The following PRSS56 variants were observed in gnomAD, a reference collection of about 807,000 sequenced individuals.
PRSS56 encodes serine protease 56, also known as protease, serine 56.
PRSS56 carries 55 observed loss-of-function variants against 66.8 expected under a neutral mutation model. The observed-to-expected ratio is 0.82, with a 90% CI of 0.66 to 1.03. PRSS56 has a LOEUF of 1.03. PRSS56 is among the 50% of genes least tolerant of loss of function. The pLI, the probability that PRSS56 is intolerant of heterozygous loss-of-function variation, is 0.00. For missense variants in PRSS56, 869 were observed against 837.2 expected (o/e 1.04, Z -0.47); for synonymous variants, 409 against 387.9 (o/e 1.05, Z -0.64).
At chr2:232,525,082 C>T in intron 12 of PRSS56, 134 bp from the exon 13 acceptor site, 4 of 949,814 alleles carry the variant, frequency 4.2e-6, no homozygotes, top group Non-Finnish European at 6.1e-6. Context: ...GGAGTGTCCA[C>T]ATGAGCGGGA....
chr2:232,524,225 A>T, intron 10 of PRSS56, 22 bp downstream of exon 10: 2 of 1,534,176 alleles, frequency 1.3e-6, no homozygotes, highest in Non-Finnish European at 1.7e-6. Context: ...CCTCCAGCCC[A>T]GCCCAGCCCT....
chr2:232,525,444 G>A lies in PRSS56; in HGVS notation c.1750G>A (p.Gly584Arg), dbSNP rs531747558. The change falls in exon 13 of 13, where the codon GGG (glycine) becomes AGG (arginine). Residue 584 changes from glycine (G) to arginine (R), a missense_variant. This residue lies in a region of PRSS56 where 551 missense variants were observed against 506.9 expected (regional missense o/e 1.09). Coordinates refer to ENST00000617714, the MANE Select transcript of PRSS56 (RefSeq NM_001195129.2). The part of the protein sequence containing the change: ...GPWMDVGQGP[G>R]LERKGHHPLN... ...CTGGATGGATGTAGGGCAGGGGCCC[G>A]GGCTGGAGAGGAAGGGGCACCACCC... The A allele has an allele frequency of 1.4e-5, 22 of 1,528,940 alleles. No individual in the cohort carries two copies. Among genetic ancestry groups the A allele is most frequent in the African/African-American group, 2.7e-5 (2 of 72,960 alleles). 94.7% of individuals were successfully genotyped at this position (1,528,940 alleles called of 1,614,324 possible).
intron 1 of PRSS56, among the ~76,000 whole-genome samples, chr2:232,521,075 A>G (rs1691265802): frequency 6.6e-6 from 1 of 152,200 alleles, no homozygotes; most frequent in African/African-American, 2.4e-5. Flanking sequence ...TTTAAAAAAA[A>G]TTGTTAAGGA....
chr2:232,521,768 G>C, intron 2 of PRSS56, 48 bp from the exon 3 acceptor site: 1 of 1,524,532 alleles, frequency 6.6e-7, no homozygotes, highest in South Asian at 1.2e-5. Context: ...CTGGGGTGAG[G>C]ACAGGCGAGA....
chr2:232,521,541 G>C, intron 2 of PRSS56, 113 bp downstream of exon 2: 2 of 926,032 alleles, frequency 2.2e-6, no homozygotes. Flanking sequence ...CAGAGACTGT[G>C]TTGGGCCGCA....
Position 232,525,271 on chromosome 2 carries a change from G to A in PRSS56, c.1577G>A (p.Arg526Gln), listed in dbSNP as rs1160056048. ...ACCGGGCTTTTCAGAGCCTGGGTGC[G>A]GGCAGGCTTGGGGGGCCGGCATGTG... ...TLTGLFRAWV[R>Q]AGLGGRHVAF... Residue 526 changes from arginine (R) to glutamine (Q), a missense_variant, in exon 13 of 13, where the codon CGG becomes CAG. Physicochemically the swap from Arg to Gln is conservative, Grantham distance 43. Transcript: ENST00000617714. 26 of 1,519,206 alleles carry A rather than the reference G, an allele frequency of 1.7e-5. No homozygotes were observed. Among genetic ancestry groups the A allele is most frequent in the Middle Eastern group, 3.4e-4 (2 of 5,936 alleles). 94.1% of individuals were successfully genotyped at this position (1,519,206 alleles called of 1,614,324 possible).
chr2:232,523,449 C>A lies in PRSS56; in HGVS notation c.883C>A (p.Pro295Thr). ...GGGAGGCCCCCTGACCTGTTCTGAG[C>A]CTGGCCCCCGCCCTAGAGAGGTCCT... ...DSGGPLTCSEPGPRPREVLFG... is the reference protein window; with the variant it reads ...DSGGPLTCSETGPRPREVLFG... The change falls in exon 8 of 13, where the codon CCT becomes ACT. Residue 295 changes from proline to threonine, a missense_variant. By Grantham distance (38) the Pro-to-Thr change is conservative. Around this residue, in one of 3 missense-constraint regions of PRSS56, gnomAD observed 551 missense variants for 506.9 expected, o/e 1.09. Transcript: ENST00000617714. 6 of 1,499,474 alleles carry A rather than the reference C, an allele frequency of 4.0e-6. No individual in the cohort carries two copies. The highest frequency in any genetic ancestry group is 5.3e-6 in the Non-Finnish European group (6 of 1,128,744). 92.9% of individuals were successfully genotyped at this position (1,499,474 alleles called of 1,614,324 possible).
Position 232,523,061 on chromosome 2 carries a change from C to G in PRSS56, c.708C>G (p.Asp236Glu), listed in dbSNP as rs182939131. 2.0e-6 allele frequency: 3 copies of G among 1,534,398 alleles called. No homozygotes were observed. The highest frequency in any genetic ancestry group is 2.4e-5 in the East Asian group (1 of 40,894). ...GAGCCTTCCACCCCTTCCCTGCAGACGGGCCTGAGGCTGAAGCAGTGAGAG... is the reference window on the plus strand; with the variant it reads ...GAGCCTTCCACCCCTTCCCTGCAGAGGGGCCTGAGGCTGAAGCAGTGAGAG... ...AIAGWGALFE[D>E]GPEAEAVREA... Residue 236 changes from aspartate to glutamate, a missense_variant and splice_region_variant, in exon 7 of 13, where the codon GAC becomes GAG. Asp to Glu is a conservative substitution (Grantham distance 45). Around this residue, in one of 3 missense-constraint regions of PRSS56, gnomAD observed 551 missense variants for 506.9 expected, o/e 1.09. Coordinates refer to ENST00000617714, the MANE Select transcript of PRSS56 (RefSeq NM_001195129.2).
chr2:232,524,385 G>A lies in PRSS56; in HGVS notation c.1414+16G>A, dbSNP rs1034132555. 19 of 1,533,766 alleles carry A rather than the reference G, an allele frequency of 1.2e-5. No homozygotes were observed. The highest frequency in any genetic ancestry group is 1.7e-5 in the Non-Finnish European group (19 of 1,145,862). ...GAAGCCAACGGTAATGACGCCCCCT[G>A]CCGACCTTCAGGAGGGGATAGGCTG... is the stretch of plus-strand genomic sequence containing the variant. On this transcript the variant is annotated intron_variant, in intron 11 of 12. Coordinates refer to ENST00000617714, the MANE Select transcript of PRSS56 (RefSeq NM_001195129.2).
rs1431389629 is a variant in PRSS56 at position 232,522,673 on chromosome 2, T to A, written c.547-29T>A. On this transcript the variant is annotated intron_variant, in intron 5 of 12. Coordinates refer to ENST00000617714, the MANE Select transcript of PRSS56 (RefSeq NM_001195129.2). Reference sequence around the variant, plus strand: ...GCACCGCACCCCCACCCGTGCTTCCTTGACCCTGCGCCGCCTCCCCCTCCT... The same window carrying A: ...GCACCGCACCCCCACCCGTGCTTCCATGACCCTGCGCCGCCTCCCCCTCCT... The A allele has an allele frequency of 3.9e-6, 6 of 1,533,500 alleles. No homozygotes were observed. In the East Asian group the frequency reaches 1.5e-4, roughly 38 times the overall value. 95.0% of individuals were successfully genotyped at this position (1,533,500 alleles called of 1,614,324 possible). A position where few individuals can be genotyped will look rare whatever the true frequency, so the allele number is the denominator to read the frequency against.
In PRSS56 at chr2:232,524,107, C is replaced by G. The variant is rs1424821648; in HGVS notation, c.1255C>G (p.Pro419Ala). ...CGCGCAGGAGCTGCTCGGGCCTCGTCCGGGACTGCGGCGCCTGGCCCCCGC... is the reference window on the plus strand; with the variant it reads ...CGCGCAGGAGCTGCTCGGGCCTCGTGCGGGACTGCGGCGCCTGGCCCCCGC... ...RNAQELLGPRPGLRRLAPALA... is the reference protein window; with the variant it reads ...RNAQELLGPRAGLRRLAPALA... The change falls in exon 10 of 13, where the codon CCG becomes GCG. Residue 419 changes from proline (P) to alanine (A), a missense_variant. Pro to Ala is a conservative substitution (Grantham distance 27). Transcript: ENST00000617714. 2 of 1,517,340 alleles carry G rather than the reference C, an allele frequency of 1.3e-6. No homozygotes were observed. The highest frequency in any genetic ancestry group is 1.8e-6 in the Non-Finnish European group (2 of 1,139,428). 94.0% of individuals were successfully genotyped at this position (1,517,340 alleles called of 1,614,324 possible).
At chr2:232,522,260 T>A in intron 4 of PRSS56, 100 bp downstream of exon 4, 1 of 1,141,766 alleles carries the variant, frequency 8.8e-7, no homozygotes, top group Non-Finnish European at 1.1e-6. Flanking sequence ...AGGTGGTCTC[T>A]GCTGCCCCCT....
intron 1 of PRSS56, 89 bp downstream of exon 1, chr2:232,520,784 AC>A: frequency 2.5e-6 from 2 of 810,994 alleles, no homozygotes; most frequent in African/African-American, 1.7e-5. Context: ...AGAGCTTGTC[AC>A]CCCCACTCAT....
At chr2:232,525,038 G>T (rs1559291041) in intron 12 of PRSS56, among the ~76,000 whole-genome samples, 178 bp from the exon 13 acceptor site, 1 of 151,612 alleles carries the variant, frequency 6.6e-6, no homozygotes, top group Non-Finnish European at 1.5e-5. Context: ...GCCACTGGGG[G>T]TGGTGGTGGG....
At chr2:232,523,968 C>G in intron 9 of PRSS56, 23 bp downstream of exon 9, 1 of 1,517,054 alleles carries the variant, frequency 6.6e-7, no homozygotes, top group Non-Finnish European at 8.8e-7. Flanking sequence ...CACCCGGACC[C>G]GGACGGGGGG....
chr2:232,520,431 G>T lies in PRSS56; in HGVS notation c.-168G>T. 1.5e-6 allele frequency: 1 copy of T among 656,340 alleles called. No homozygotes were observed. Among genetic ancestry groups the T allele is most frequent in the Non-Finnish European group, 2.8e-6 (1 of 362,064 alleles). The allele number at this position is 656,340 out of a possible 1,614,324, so 40.7% of individuals were successfully genotyped here. On this transcript the variant is annotated 5_prime_UTR_variant, in exon 1 of 13. Transcript: ENST00000617714. ...GGCCAGGTGAGGGCTGACCAGGGAGGCGGGTAATTTTGATGTAAGAGAACG... is the reference window on the plus strand; with the variant it reads ...GGCCAGGTGAGGGCTGACCAGGGAGTCGGGTAATTTTGATGTAAGAGAACG...
Position 232,523,084 on chromosome 2 carries a change from G to C in PRSS56, c.731G>C (p.Arg244Thr), listed in dbSNP as rs1331129928. The change falls in exon 7 of 13, where the codon AGA becomes ACA. Residue 244 changes from arginine to threonine, a missense_variant. Coordinates refer to ENST00000617714, the MANE Select transcript of PRSS56 (RefSeq NM_001195129.2). ...FEDGPEAEAV[R>T]EARVPLLSTD... ...GACGGGCCTGAGGCTGAAGCAGTGA[G>C]AGAGGCCCGTGTTCCCCTGCTCAGC... 8 of 1,535,116 alleles carry C rather than the reference G, an allele frequency of 5.2e-6. No homozygotes were observed. The South Asian group carries it at 8.3e-5, about 16-fold the overall frequency.
Position 232,520,572 on chromosome 2 carries a change from G to T in PRSS56, c.-27G>T, listed in dbSNP as rs1407421760. ...GACTCCGAGGAGGAGAGAGGACAGG[G>T]GTCTCTCACCCCAGCTCCTGGTCAC... On this transcript the variant is annotated 5_prime_UTR_variant, in exon 1 of 13. Coordinates refer to ENST00000617714, the MANE Select transcript of PRSS56 (RefSeq NM_001195129.2). The T allele has an allele frequency of 1.3e-6, 2 of 1,521,580 alleles. No individual in the cohort carries two copies. Among genetic ancestry groups the T allele is most frequent in the Non-Finnish European group, 1.8e-6 (2 of 1,133,734 alleles). 94.3% of individuals were successfully genotyped at this position (1,521,580 alleles called of 1,614,324 possible).
Position 232,525,654 on chromosome 2 carries a change from TC to T in PRSS56, c.*151del. ...TGGGGGTCCTGGGCCCCCCGTGTCTTCCCAGGTTTACAATCAGAGAATCACA... is the reference window on the plus strand; with the variant it reads ...TGGGGGTCCTGGGCCCCCCGTGTCTTCCAGGTTTACAATCAGAGAATCACA... On this transcript the variant is annotated 3_prime_UTR_variant, in exon 13 of 13. Transcript: ENST00000617714. The T allele has an allele frequency of 1.7e-6, 1 of 586,100 alleles. No homozygotes were observed. Among genetic ancestry groups the T allele is most frequent in the East Asian group, 3.2e-5 (1 of 31,024 alleles). 36.3% of individuals were successfully genotyped at this position (586,100 alleles called of 1,614,324 possible).
Sources: allele counts gnomAD v4.1 joint callset (sites outside exome capture counted in the v4.1 genomes callset), GRCh38; gene constraint gnomAD v4.1.1; regional missense constraint gnomAD v4.1.1; transcripts MANE v1.5; gene names NCBI Gene and HGNC (gene_info 2026-07-23, HGNC 2026-07-21).